The following SKOR2 variants were observed in gnomAD, a reference collection of about 807,000 sequenced individuals.
The protein encoded by SKOR2 is LBX1 corepressor 1-like protein.
SKOR2 carries 47 observed loss-of-function variants against 69.1 expected under a neutral mutation model. The observed-to-expected ratio is 0.68, with a 90% confidence interval of 0.54 to 0.87. SKOR2 has a LOEUF of 0.87. Ranked by LOEUF, SKOR2 falls within the 40% of genes least tolerant of loss-of-function variation. The pLI is 0.00. For missense variants in SKOR2, 1,404 were observed against 1,472.2 expected (o/e 0.95, Z 0.76); for synonymous variants, 717 against 672.6 (o/e 1.07, Z -1.02).
chr18:47,223,984 C>A (rs1600030470), intron 6 of SKOR2, among the ~76,000 whole-genome samples: 1 of 151,824 alleles, frequency 6.6e-6, no homozygotes, highest in South Asian at 2.1e-4. Flanking sequence ...CAGCTTGCTA[C>A]AACCTCTGCC....
At chr18:47,217,528 A>G (rs1030322893) in intron 7 of SKOR2, among the ~76,000 whole-genome samples, 6 of 152,186 alleles carry the variant, frequency 3.9e-5, no homozygotes, top group African/African-American at 1.4e-4. Context: ...GTGTAAAATA[A>G]CATTTGAGGA....
chr18:47,219,405 T>C (rs2064154188), intron 7 of SKOR2, among the ~76,000 whole-genome samples: 1 of 152,176 alleles, frequency 6.6e-6, no homozygotes, highest in East Asian at 1.9e-4. Flanking sequence ...CCTGTTTTTT[T>C]TTTCCATATA....
Position 47,247,544 on chromosome 18 carries a change from G to A in SKOR2, c.1640C>T (p.Pro547Leu), listed in dbSNP as rs1469926626. ...ANGPGSGPPP[P>L]AGGAGSRDAL... ...GTCGCGAGAGCCGGCGCCCCCGGCA[G>A]GAGGAGGTGGGCCGGAGCCCGGGCC... The change falls in exon 2 of 9, where the codon CCT becomes CTT. Residue 547 changes from proline (P) to leucine (L), a missense_variant. Pro to Leu is a moderately conservative substitution (Grantham distance 98). Coordinates refer to ENST00000425639, the MANE Select transcript of SKOR2 (RefSeq NM_001278063.4). This position sits in a 1 kb window ranked among gnomAD's most constrained non-coding sequence, Gnocchi z 6.6. 1.6e-6 allele frequency: 2 copies of A among 1,221,370 alleles called. No homozygotes were observed. The highest frequency in any genetic ancestry group is 3.2e-5 in the African/African-American group (2 of 63,488). The allele number at this position is 1,221,370 out of a possible 1,614,324, so 75.7% of individuals were successfully genotyped here.
chr18:47,246,975 C>A lies in SKOR2; in HGVS notation c.2209G>T (p.Asp737Tyr). The change falls in exon 2 of 9, where the codon GAC (aspartate) becomes TAC (tyrosine). Residue 737 changes from aspartate to tyrosine, a missense_variant. This residue lies in a region of SKOR2 where 1,266 missense variants were observed against 1,309.9 expected (regional missense o/e 0.97). Coordinates refer to ENST00000425639, the MANE Select transcript of SKOR2 (RefSeq NM_001278063.4). ...TCCACCTCCTGCTCTTCTTCCTCGT[C>A]GTCCTCGTCCTCGGAGCTGTCCTCG... ...PSEDSSEDED[D>Y]EEEEQEVDVE... 6.7e-7 allele frequency: 1 copy of A among 1,498,004 alleles called. No homozygotes were observed. Among genetic ancestry groups the A allele is most frequent in the Non-Finnish European group, 8.8e-7 (1 of 1,130,008 alleles). The allele number at this position is 1,498,004 out of a possible 1,614,324, so 92.8% of individuals were successfully genotyped here. A position where few individuals can be genotyped will look rare whatever the true frequency, so the allele number is the denominator to read the frequency against.
chr18:47,242,092 AT>A (rs1412401987), intron 4 of SKOR2, among the ~76,000 whole-genome samples: 2 of 152,094 alleles, frequency 1.3e-5, no homozygotes, highest in African/African-American at 4.8e-5. Context: ...AGTAGATACC[AT>A]GGTTTTTATC....
rs568565349 is a variant in SKOR2, at chr18:47,247,178, GGGT to G, written c.2003_2005del (p.His668del). 1.2e-3 allele frequency: 1,527 copies of G among 1,253,854 alleles called. No homozygotes were observed. Among genetic ancestry groups the G allele is most frequent in the South Asian group, 2.3e-3 (101 of 43,084 alleles). 77.7% of individuals were successfully genotyped at this position (1,253,854 alleles called of 1,614,324 possible). A position where few individuals can be genotyped will look rare whatever the true frequency, so the allele number is the denominator to read the frequency against. On this transcript the variant is annotated inframe_deletion, in exon 2 of 9. Transcript: ENST00000425639. The surrounding 1 kb of genome is among the most constrained non-coding windows in gnomAD (Gnocchi z 6.6). ...CAGAAGCGGCGACGGCGGCTGCGGG[GGGT>G]GGTGGTGGTGGTGGTGGTGGTGAGG...
At chr18:47,209,934 A>G (rs11873812) in intron 8 of SKOR2, among the ~76,000 whole-genome samples, 15,557 of 152,068 alleles carry the variant, frequency 0.1, 832 homozygotes, top group Non-Finnish European at 0.12. Flanking sequence ...TTTACAAAAT[A>G]AAAAAAATTT....
intron 7 of SKOR2, among the ~76,000 whole-genome samples, chr18:47,219,152 T>A (rs1405970269): frequency 6.6e-6 from 1 of 152,222 alleles, no homozygotes. Context: ...GTATAATAAT[T>A]ATGCTGAGAA....
intron 6 of SKOR2, among the ~76,000 whole-genome samples, chr18:47,223,615 A>T (rs1166224596): frequency 1.3e-5 from 2 of 152,260 alleles, no homozygotes; most frequent in East Asian, 1.9e-4. Context: ...ACTGCTGTGT[A>T]GTAACAGAAC....
intron 4 of SKOR2, among the ~76,000 whole-genome samples, chr18:47,244,462 A>G (rs915276638): frequency 6.6e-6 from 1 of 152,218 alleles, no homozygotes. Flanking sequence ...AGGTGGTTTC[A>G]TTTAATTTGT....
chr18:47,238,058 A>G (rs548698202), intron 4 of SKOR2, among the ~76,000 whole-genome samples: 2 of 152,216 alleles, frequency 1.3e-5, no homozygotes, highest in South Asian at 4.1e-4. Context: ...TTGAGCCAAC[A>G]ACTGGCACTT....
At chr18:47,240,517 G>C in intron 4 of SKOR2, among the ~76,000 whole-genome samples, 1 of 152,122 alleles carries the variant, frequency 6.6e-6, no homozygotes, top group East Asian at 1.9e-4. Flanking sequence ...AATTTTGGCT[G>C]CTTGAGAACT....
In SKOR2 at chr18:47,246,933, G is replaced by A. The variant is rs2064278058; in HGVS notation, c.2251C>T (p.Pro751Ser). 6.7e-7 allele frequency: 1 copy of A among 1,496,864 alleles called. No individual in the cohort carries two copies. Among genetic ancestry groups the A allele is most frequent in the Non-Finnish European group, 8.9e-7 (1 of 1,129,420 alleles). The allele number at this position is 1,496,864 out of a possible 1,614,324, so 92.7% of individuals were successfully genotyped here. Reference sequence around the variant, plus strand: ...TCCTCCTCTTCCTCGCCCTCGGGGGGCTTGTGGCCCTCCACGTCCACCTCC... The same window carrying A: ...TCCTCCTCTTCCTCGCCCTCGGGGGACTTGTGGCCCTCCACGTCCACCTCC... ...EQEVDVEGHK[P>S]PEGEEEEEGR... is the part of the protein sequence containing the mutation. The change falls in exon 2 of 9, where the codon CCC becomes TCC. Residue 751 changes from proline (P) to serine (S), a missense_variant. By Grantham distance (74) the Pro-to-Ser change is moderately conservative. This residue lies in a region of SKOR2 where 1,266 missense variants were observed against 1,309.9 expected (regional missense o/e 0.97). Transcript: ENST00000425639.
intron 4 of SKOR2, among the ~76,000 whole-genome samples, chr18:47,242,088 T>C (rs1017066810): frequency 6.6e-6 from 1 of 152,176 alleles, no homozygotes; most frequent in Non-Finnish European, 1.5e-5. Flanking sequence ...CAACAGTAGA[T>C]ACCATGGTTT....
chr18:47,215,360 CT>C (rs965661388), intron 7 of SKOR2, among the ~76,000 whole-genome samples: 1 of 151,824 alleles, frequency 6.6e-6, no homozygotes, highest in African/African-American at 2.4e-5. Flanking sequence ...TCCTATCTAC[CT>C]TTTTTTAAAA....
chr18:47,246,526 T>G, intron 2 of SKOR2, 45 bp downstream of exon 2: 1 of 1,460,326 alleles, frequency 6.8e-7, no homozygotes, highest in Non-Finnish European at 8.9e-7. Flanking sequence ...AAGGTGCATT[T>G]AAATAATAAT....
chr18:47,207,712 C>G (rs886095945), intron 8 of SKOR2, among the ~76,000 whole-genome samples: 1 of 152,134 alleles, frequency 6.6e-6, no homozygotes, highest in Non-Finnish European at 1.5e-5. Flanking sequence ...AAGGAAGACA[C>G]AGAATGTTCC....
intron 7 of SKOR2, among the ~76,000 whole-genome samples, chr18:47,213,292 T>C (rs2064133480): frequency 6.6e-6 from 1 of 151,140 alleles, no homozygotes; most frequent in African/African-American, 2.4e-5. Context: ...TAGAATGTAA[T>C]GTGAAATATG....
intron 7 of SKOR2, among the ~76,000 whole-genome samples, chr18:47,213,188 T>C (rs2064133151): frequency 6.6e-6 from 1 of 151,962 alleles, no homozygotes. Context: ...GTTAAGGTGC[T>C]CTATCCTTAT....
Sources: allele counts gnomAD v4.1 joint callset (sites outside exome capture counted in the v4.1 genomes callset), GRCh38; gene constraint gnomAD v4.1.1; regional missense constraint gnomAD v4.1.1; non-coding constraint Gnocchi (gnomAD v3.1); transcripts MANE v1.5; gene names NCBI Gene and HGNC (gene_info 2026-07-23, HGNC 2026-07-21).